Variants in KLF12 observed in about 807,000 individuals in gnomAD.
The protein encoded by KLF12 is KLF transcription factor 12, also known as Krueppel-like factor 12.
A neutral mutation model predicts 37.8 loss-of-function variants in KLF12; 9 were observed. The ratio of observed to expected loss-of-function variants is 0.24; its 90% CI spans 0.14 to 0.42. The LOEUF (loss-of-function observed/expected upper bound fraction) is 0.42. Among genes scored for constraint, KLF12 ranks in the 10% least tolerant of loss-of-function variants. The pLI is 1.00. For synonymous variants in KLF12, 208 were observed against 202.1 expected (o/e 1.03, Z -0.25); for missense variants, 411 against 516.0 (o/e 0.80, Z 1.97).
intron 1 of KLF12, among the ~76,000 whole-genome samples, chr13:74,086,984 GT>G (rs1190830944): frequency 6.6e-6 from 1 of 152,126 alleles, no homozygotes; most frequent in Non-Finnish European, 1.5e-5. Context: ...AAGAGGAGGA[GT>G]TGGTCTTGCT....
chr13:73,803,178 G>C (rs557334402), intron 5 of KLF12, among the ~76,000 whole-genome samples: 3 of 152,286 alleles, frequency 2.0e-5, no homozygotes, highest in African/African-American at 7.2e-5. Context: ...ATTCAGTTCT[G>C]ACTTCTCCCT....
the KLF12 span, among the ~76,000 whole-genome samples, chr13:74,245,393 G>C: frequency 6.6e-6 from 1 of 152,040 alleles, no homozygotes; most frequent in African/African-American, 2.4e-5. Context: ...AAAGCTATGG[G>C]AGTAGATGAA....
At chr13:74,194,356 T>C in the KLF12 span, among the ~76,000 whole-genome samples, 2 of 152,198 alleles carry the variant, frequency 1.3e-5, no homozygotes, top group East Asian at 1.9e-4. Flanking sequence ...ACAAAATACC[T>C]GAGACTGGGT....
At chr13:73,881,507 T>C (rs139929288) in intron 3 of KLF12, among the ~76,000 whole-genome samples, 2 of 152,262 alleles carry the variant, frequency 1.3e-5, no homozygotes, top group East Asian at 3.9e-4. Flanking sequence ...TAGTTATAGA[T>C]TTGCCAGAGT....
intron 1 of KLF12, among the ~76,000 whole-genome samples, chr13:74,086,215 C>G (rs1256576742): frequency 6.6e-6 from 1 of 151,022 alleles, no homozygotes; most frequent in Non-Finnish European, 1.5e-5. Flanking sequence ...GTGTGCTGCA[C>G]CCATTAACTC....
chr13:73,855,713 C>A (rs1427506640), intron 3 of KLF12, among the ~76,000 whole-genome samples: 1 of 152,096 alleles, frequency 6.6e-6, no homozygotes, highest in Non-Finnish European at 1.5e-5. Flanking sequence ...CAACCAAGGG[C>A]GTATAAGCAC....
At chr13:74,231,214 T>C in the KLF12 span, among the ~76,000 whole-genome samples, 37 of 140,914 alleles carry the variant, frequency 2.6e-4, no homozygotes, top group African/African-American at 4.7e-4. Flanking sequence ...TTTTTTTTTT[T>C]CCCTCTGTAT....
the KLF12 span, among the ~76,000 whole-genome samples, chr13:74,193,971 T>A: frequency 6.6e-6 from 1 of 152,214 alleles, no homozygotes; most frequent in Non-Finnish European, 1.5e-5. Flanking sequence ...TGGATGGTGA[T>A]CTTTTGTTTT....
chr13:74,139,717 C>A, the KLF12 span, among the ~76,000 whole-genome samples: 3 of 151,416 alleles, frequency 2.0e-5, no homozygotes, highest in African/African-American at 7.3e-5. Context: ...TTTTTTAATA[C>A]CAGAAGGAAA....
chr13:73,939,232 T>A (rs1208615756), intron 3 of KLF12, among the ~76,000 whole-genome samples: 2 of 152,180 alleles, frequency 1.3e-5, no homozygotes, highest in Non-Finnish European at 1.5e-5. Context: ...TAAGAAATGT[T>A]GCTTTCAGGT....
At chr13:73,950,957 G>A (rs1218985124) in intron 2 of KLF12, among the ~76,000 whole-genome samples, 2 of 152,192 alleles carry the variant, frequency 1.3e-5, no homozygotes, top group Non-Finnish European at 2.9e-5. Context: ...AGCTGGCTGG[G>A]TGCTCCAGTC....
chr13:73,845,124 T>G (rs1884944243), intron 4 of KLF12: 1 of 152,172 alleles, frequency 6.6e-6, no homozygotes, highest in African/African-American at 2.4e-5. Context: ...TGATTACACA[T>G]AGTCATGTAG....
intron 5 of KLF12, among the ~76,000 whole-genome samples, chr13:73,811,874 GCA>G (rs1274929385): frequency 6.6e-6 from 1 of 151,992 alleles, no homozygotes; most frequent in Non-Finnish European, 1.5e-5. Flanking sequence ...TTTTATATAC[GCA>G]CAGACATACA....
intron 1 of KLF12, among the ~76,000 whole-genome samples, chr13:74,089,822 A>C (rs1315824682): frequency 1.4e-5 from 2 of 138,008 alleles, no homozygotes; most frequent in African/African-American, 5.3e-5. Context: ...AAAAAAAAAA[A>C]CAACCATGGC....
chr13:74,220,915 A>C, the KLF12 span, among the ~76,000 whole-genome samples: 2 of 151,792 alleles, frequency 1.3e-5, no homozygotes, highest in Non-Finnish European at 2.9e-5. Flanking sequence ...GATTTAAAAT[A>C]TTTCATCTCA....
At chr13:73,902,421 T>A (rs1888083379) in intron 3 of KLF12, among the ~76,000 whole-genome samples, 1 of 152,214 alleles carries the variant, frequency 6.6e-6, no homozygotes, top group South Asian at 2.1e-4. Context: ...TGGGAGGAAG[T>A]GGCATTAGAA....
At chr13:73,961,141 G>A (rs1891011499) in intron 2 of KLF12, among the ~76,000 whole-genome samples, 1 of 152,034 alleles carries the variant, frequency 6.6e-6, no homozygotes, top group African/African-American at 2.4e-5. Context: ...CCTCCTTTGA[G>A]CCTTTAATCA....
At chr13:74,278,590 C>T in the KLF12 span, among the ~76,000 whole-genome samples, 1 of 152,134 alleles carries the variant, frequency 6.6e-6, no homozygotes, top group Non-Finnish European at 1.5e-5. Flanking sequence ...GTGGTTGTTC[C>T]TTAAAAACCC....
chr13:74,207,145 G>A, the KLF12 span, among the ~76,000 whole-genome samples: 5,950 of 152,232 alleles, frequency 0.039, 370 homozygotes, highest in African/African-American at 0.13. Flanking sequence ...CCTTTCATGA[G>A]GAACCAACTC....
Sources: allele counts gnomAD v4.1 joint callset (sites outside exome capture counted in the v4.1 genomes callset), GRCh38; gene constraint gnomAD v4.1.1; transcripts MANE v1.5; gene names NCBI Gene and HGNC (gene_info 2026-07-23, HGNC 2026-07-21).